The following ZNF385D variants were observed in gnomAD, a reference collection of about 807,000 sequenced individuals.
ZNF385D encodes zinc finger protein 659.
A neutral mutation model predicts 35.8 loss-of-function variants in ZNF385D; 15 were observed. That is an observed-to-expected ratio of 0.42 (90% CI 0.28 to 0.64). The LOEUF is 0.64. Ranked by LOEUF, ZNF385D falls within the 30% of genes least tolerant of loss-of-function variation. The probability of loss-of-function intolerance (pLI) is 0.23; values close to 1 mark genes in which losing one functional copy is unlikely to be tolerated. For synonymous variants in ZNF385D, 212 were observed against 186.8 expected, an observed-to-expected ratio of 1.13 and a Z score of -1.10; for missense variants, 474 against 494.6, an observed-to-expected ratio of 0.96 and a Z score of 0.39.
intron 4 of ZNF385D, among the ~76,000 whole-genome samples, chr3:21,458,463 C>A (rs1702962493): frequency 6.6e-6 from 1 of 151,148 alleles, no homozygotes; most frequent in African/African-American, 2.4e-5. Context: ...GCCTGGGTGA[C>A]AGAGAAAGAC....
intron 3 of ZNF385D, among the ~76,000 whole-genome samples, chr3:21,913,686 T>C (rs1165506005): frequency 6.6e-6 from 1 of 152,120 alleles, no homozygotes; most frequent in Non-Finnish European, 1.5e-5. Context: ...TCTATCAAAT[T>C]CAGATGAAAG....
intron 3 of ZNF385D, among the ~76,000 whole-genome samples, chr3:21,971,157 G>GA (rs956164359): frequency 1.3e-5 from 2 of 151,774 alleles, no homozygotes; most frequent in African/African-American, 4.8e-5. Context: ...TAAGTACATA[G>GA]AAAAAACACA....
intron 2 of ZNF385D, among the ~76,000 whole-genome samples, chr3:22,292,319 CATTAT>C (rs924825314): frequency 3.3e-5 from 5 of 152,034 alleles, no homozygotes; most frequent in Non-Finnish European, 7.4e-5. Flanking sequence ...TATATTTACT[CATTAT>C]ATTTTTATCT....
chr3:22,005,325 T>C (rs1354185154), intron 3 of ZNF385D, among the ~76,000 whole-genome samples: 3 of 152,018 alleles, frequency 2.0e-5, no homozygotes, highest in Non-Finnish European at 4.4e-5. Flanking sequence ...GGGACTCCTA[T>C]ACACTGTCAG....
At chr3:21,903,722 C>A (rs907625184) in intron 3 of ZNF385D, among the ~76,000 whole-genome samples, 2 of 152,122 alleles carry the variant, frequency 1.3e-5, no homozygotes. Flanking sequence ...ACACGTCTCT[C>A]TGGCAAAAGC....
At chr3:21,654,702 T>C (rs1007421730) in intron 2 of ZNF385D, among the ~76,000 whole-genome samples, 13 of 152,120 alleles carry the variant, frequency 8.5e-5, no homozygotes, top group African/African-American at 3.1e-4. Flanking sequence ...TGAAATAGAC[T>C]TACAAAATAT....
chr3:21,537,258 A>G (rs1034521721), intron 3 of ZNF385D, among the ~76,000 whole-genome samples: 2 of 149,344 alleles, frequency 1.3e-5, no homozygotes, highest in Non-Finnish European at 3.0e-5. Flanking sequence ...TCAGCCTCCC[A>G]AGTAGCTGGG....
chr3:21,481,893 C>A (rs868758802), intron 4 of ZNF385D, among the ~76,000 whole-genome samples: 4 of 151,984 alleles, frequency 2.6e-5, no homozygotes, highest in Non-Finnish European at 5.9e-5. Context: ...CTTCATAATC[C>A]CTGTTCCAAA....
intron 3 of ZNF385D, among the ~76,000 whole-genome samples, chr3:22,098,510 G>T (rs1701754642): frequency 6.6e-6 from 1 of 152,182 alleles, no homozygotes; most frequent in Non-Finnish European, 1.5e-5. Context: ...ATTATTGGGT[G>T]CTTAACTACT....
intron 2 of ZNF385D, among the ~76,000 whole-genome samples, chr3:22,223,956 A>G (rs1219243809): frequency 1.3e-5 from 2 of 152,132 alleles, no homozygotes; most frequent in East Asian, 1.9e-4. Context: ...ACCATCATAC[A>G]TGGCCTATTT....
chr3:22,249,717 G>A (rs967437540), intron 2 of ZNF385D, among the ~76,000 whole-genome samples: 3 of 152,188 alleles, frequency 2.0e-5, no homozygotes, highest in Non-Finnish European at 4.4e-5. Context: ...TCAAAGCTCT[G>A]AGAAATGTGC....
chr3:21,423,183 G>A (rs1700824195), intron 7 of ZNF385D, among the ~76,000 whole-genome samples: 1 of 152,120 alleles, frequency 6.6e-6, no homozygotes, highest in Non-Finnish European at 1.5e-5. Context: ...ACAAAAATGG[G>A]CAATGCTACT....
At chr3:21,434,358 G>A (rs1309204228) in intron 5 of ZNF385D, among the ~76,000 whole-genome samples, 1 of 152,060 alleles carries the variant, frequency 6.6e-6, no homozygotes, top group African/African-American at 2.4e-5. Flanking sequence ...ACTGAAACAC[G>A]CCACAATGAT....
At chr3:21,502,253 G>A (rs1021549155) in intron 4 of ZNF385D, among the ~76,000 whole-genome samples, 1 of 152,140 alleles carries the variant, frequency 6.6e-6, no homozygotes, top group African/African-American at 2.4e-5. Context: ...ATCACACCGG[G>A]ACAGACTTTG....
intron 3 of ZNF385D, among the ~76,000 whole-genome samples, chr3:21,863,130 G>T (rs548335542): frequency 1.3e-5 from 2 of 152,146 alleles, no homozygotes; most frequent in Non-Finnish European, 2.9e-5. Context: ...ATAAAATCAT[G>T]TTGGTAAAAC....
chr3:22,101,171 T>C (rs995351325), intron 3 of ZNF385D, among the ~76,000 whole-genome samples: 34 of 152,170 alleles, frequency 2.2e-4, no homozygotes, highest in African/African-American at 7.2e-4. Context: ...TACTGTCTTT[T>C]CTAGTAGTAT....
chr3:22,302,248 T>A (rs1036911491), intron 2 of ZNF385D, among the ~76,000 whole-genome samples: 2 of 152,030 alleles, frequency 1.3e-5, no homozygotes, highest in Non-Finnish European at 2.9e-5. Flanking sequence ...CTAGGATGGG[T>A]CCTGGGACTC....
At chr3:22,105,766 G>T (rs1382851615) in intron 3 of ZNF385D, among the ~76,000 whole-genome samples, 1 of 152,108 alleles carries the variant, frequency 6.6e-6, no homozygotes, top group Non-Finnish European at 1.5e-5. Context: ...AGGGCCATCT[G>T]CTTTACTCAG....
intron 3 of ZNF385D, among the ~76,000 whole-genome samples, chr3:21,972,116 T>A (rs1261554172): frequency 6.6e-6 from 1 of 151,956 alleles, no homozygotes; most frequent in Non-Finnish European, 1.5e-5. Context: ...ACCCAATATA[T>A]ATTTATTATT....
Sources: allele counts gnomAD v4.1 joint callset (sites outside exome capture counted in the v4.1 genomes callset), GRCh38; gene constraint gnomAD v4.1.1; transcripts MANE v1.5; gene names NCBI Gene and HGNC (gene_info 2026-07-23, HGNC 2026-07-21).